The following DGKB variants were observed in gnomAD, a reference collection of about 807,000 sequenced individuals.
The protein encoded by DGKB is 90 kDa diacylglycerol kinase.
A neutral mutation model predicts 114.3 loss-of-function variants in DGKB; 67 were observed. That is an observed-to-expected ratio of 0.59 (90% CI 0.48 to 0.72). The LOEUF (loss-of-function observed/expected upper bound fraction) is 0.72, where lower values mean the gene tolerates loss of function less well. Ranked by LOEUF, DGKB falls within the 30% of genes least tolerant of loss-of-function variation. DGKB has a pLI of 0.00. For synonymous variants in DGKB, 398 were observed against 323.1 expected (o/e 1.23, Z -2.49); for missense variants, 907 against 975.2 (o/e 0.93, Z 0.93).
intron 20 of DGKB, among the ~76,000 whole-genome samples, chr7:14,535,223 G>T (rs1361088784): frequency 6.6e-6 from 1 of 151,906 alleles, no homozygotes; most frequent in Non-Finnish European, 1.5e-5. Flanking sequence ...AAAATAATTA[G>T]CCAGGCATGA....
intron 2 of DGKB, among the ~76,000 whole-genome samples, chr7:14,789,625 G>A (rs1488681216): frequency 2.6e-5 from 4 of 151,784 alleles, no homozygotes; most frequent in African/African-American, 7.3e-5. Context: ...CACAATCTTC[G>A]CTCACTGAAG....
intron 13 of DGKB, among the ~76,000 whole-genome samples, chr7:14,636,055 CT>C (rs1434684333): frequency 6.6e-6 from 1 of 151,626 alleles, no homozygotes; most frequent in Admixed American, 6.6e-5. Context: ...GGAATTTGTT[CT>C]TGTCTTTTGC....
At chr7:14,733,144 TACTAC>T (rs1399076660) in intron 5 of DGKB, among the ~76,000 whole-genome samples, 1 of 152,160 alleles carries the variant, frequency 6.6e-6, no homozygotes, top group Non-Finnish European at 1.5e-5. Flanking sequence ...TAAACTGTAA[TACTAC>T]ACATTAAGAA....
chr7:14,664,752 G>A (rs894184473), intron 13 of DGKB, among the ~76,000 whole-genome samples: 4 of 151,952 alleles, frequency 2.6e-5, no homozygotes, highest in East Asian at 3.9e-4. Context: ...CCCTGTAAGT[G>A]AGTATGTATC....
chr7:14,377,925 T>A (rs1818768785), intron 21 of DGKB, among the ~76,000 whole-genome samples: 4 of 152,198 alleles, frequency 2.6e-5, no homozygotes, highest in Admixed American at 2.6e-4. Flanking sequence ...CTCAGAGAGC[T>A]CCTTTGATAA....
intron 6 of DGKB, 99 bp downstream of exon 6, chr7:14,718,443 A>T: frequency 8.9e-7 from 1 of 1,120,904 alleles, no homozygotes; most frequent in Non-Finnish European, 1.2e-6. Context: ...ATTCAACAAA[A>T]ATTATACAAC....
chr7:14,379,521 ATGACTTCAGC>A (rs1157739968), intron 21 of DGKB, among the ~76,000 whole-genome samples: 1 of 151,688 alleles, frequency 6.6e-6, no homozygotes, highest in Non-Finnish European at 1.5e-5. Context: ...CCCTTAGTGG[ATGACTTCAGC>A]TGGCTTTAAG....
In DGKB at chr7:14,375,759, T is replaced by C. The variant is rs372111187; in HGVS notation, c.1836-30368A>G. Among the ~76,000 whole-genome samples the C allele has an allele frequency of 5.3e-4, 81 of 152,308 alleles. 2 individuals are homozygous for C. The South Asian group carries it at 0.014, about 26-fold the overall frequency. On this transcript the variant is annotated intron_variant, in intron 21 of 25. Transcript: ENST00000402815. The stretch of plus-strand genomic sequence containing the variant: ...CCATCTGAAATGCTGCTGTTTTACT[T>C]TGATTGCCTCTCTCCTCTGAAAGAC...
chr7:14,253,180 G>C (rs1465796780), intron 23 of DGKB, among the ~76,000 whole-genome samples: 1 of 151,996 alleles, frequency 6.6e-6, no homozygotes, highest in Non-Finnish European at 1.5e-5. Context: ...GACTACAAGT[G>C]TGTGCCACCA....
At chr7:14,225,673 C>T (rs1037867026) in intron 23 of DGKB, among the ~76,000 whole-genome samples, 6 of 151,616 alleles carry the variant, frequency 4.0e-5, no homozygotes, top group Admixed American at 2.6e-4. Flanking sequence ...TTATTTTGAT[C>T]AGGTTAATGA....
rs563833158 is a variant in DGKB, at chr7:14,565,372, CT to C, written c.1770+8839del. On this transcript the variant is annotated intron_variant, in intron 20 of 25. Coordinates refer to ENST00000402815, the MANE Select transcript of DGKB (RefSeq NM_001350709.2). ...CACAACCACCCAGTTGACACACAGA[CT>C]TGTGAATAATAAAATGGTTAGCATA... Among the ~76,000 whole-genome samples, 38 of 152,256 alleles carry C rather than the reference CT, an allele frequency of 2.5e-4. 1 individual carries two copies. The South Asian group carries it at 7.7e-3, about 31-fold the overall frequency.
At chr7:14,814,693 T>C (rs995087036) in intron 2 of DGKB, among the ~76,000 whole-genome samples, 7 of 152,114 alleles carry the variant, frequency 4.6e-5, no homozygotes, top group Admixed American at 2.6e-4. Context: ...TCTCTGAAAA[T>C]TGGTTCTGAA....
At chr7:14,374,992 T>C (rs1241991171) in intron 21 of DGKB, among the ~76,000 whole-genome samples, 4 of 152,172 alleles carry the variant, frequency 2.6e-5, no homozygotes, top group African/African-American at 9.7e-5. Flanking sequence ...ACCTAAAAAT[T>C]TCCTACTCAT....
chr7:14,913,590 G>A (rs1243144789), intron 1 of DGKB, among the ~76,000 whole-genome samples: 1 of 151,604 alleles, frequency 6.6e-6, no homozygotes. Context: ...TTTCAGAGGA[G>A]AGTGATAATA....
intron 20 of DGKB, among the ~76,000 whole-genome samples, chr7:14,549,946 G>A (rs1418488269): frequency 6.6e-6 from 1 of 151,384 alleles, no homozygotes; most frequent in African/African-American, 2.4e-5. Flanking sequence ...CCAAGATCAC[G>A]CCACTGCACT....
At chr7:14,768,872 C>A (rs187198623) in intron 2 of DGKB, among the ~76,000 whole-genome samples, 2 of 151,860 alleles carry the variant, frequency 1.3e-5, no homozygotes, top group Admixed American at 6.6e-5. Context: ...CTTTCACAAT[C>A]TATGTTCTTA....
At chr7:14,745,680 C>T (rs1833180433) in intron 4 of DGKB, among the ~76,000 whole-genome samples, 1 of 152,224 alleles carries the variant, frequency 6.6e-6, no homozygotes, top group African/African-American at 2.4e-5. Flanking sequence ...CTGACCTCTT[C>T]AGCTCATGTG....
intron 2 of DGKB, among the ~76,000 whole-genome samples, chr7:14,811,397 C>A (rs1843415029): frequency 6.6e-6 from 1 of 152,062 alleles, no homozygotes; most frequent in Non-Finnish European, 1.5e-5. Context: ...TTTAATAATA[C>A]TGAAGTTGCT....
intron 23 of DGKB, among the ~76,000 whole-genome samples, chr7:14,219,364 C>T (rs1164336449): frequency 1.3e-5 from 2 of 151,812 alleles, no homozygotes; most frequent in Admixed American, 6.6e-5. Flanking sequence ...TCTAAATTGG[C>T]AGCACTATTT....
Sources: allele counts gnomAD v4.1 joint callset (sites outside exome capture counted in the v4.1 genomes callset), GRCh38; gene constraint gnomAD v4.1.1; transcripts MANE v1.5; gene names NCBI Gene and HGNC (gene_info 2026-07-23, HGNC 2026-07-21).